The following POT1 variants were observed in gnomAD, a reference collection of about 807,000 sequenced individuals.
POT1 encodes protection of telomeres 1, also known as protection of telomeres protein 1.
A neutral mutation model predicts 78.5 loss-of-function variants in POT1; 47 were observed. That is an observed-to-expected ratio of 0.60 (90% CI 0.47 to 0.76). The LOEUF is 0.76. Among genes scored for constraint, POT1 ranks in the 30% least tolerant of loss-of-function variants. POT1 has a pLI of 0.00. For synonymous variants in POT1, 259 were observed against 260.7 expected, an observed-to-expected ratio of 0.99 and a Z score of 0.06; for missense variants, 646 against 749.9, an observed-to-expected ratio of 0.86 and a Z score of 1.62.
At chr7:124,857,029 A>G (rs1056799556) in intron 9 of POT1, among the ~76,000 whole-genome samples, 1 of 152,118 alleles carries the variant, frequency 6.6e-6, no homozygotes, top group African/African-American at 2.4e-5. Flanking sequence ...AGTTGAGTAA[A>G]CTTACTTGGT....
chr7:124,861,550 TG>T (rs35051283), intron 8 of POT1, among the ~76,000 whole-genome samples: 91,197 of 151,952 alleles, frequency 0.6, 27,495 homozygotes, highest in African/African-American at 0.64. Flanking sequence ...TTCTGTAGGT[TG>T]GCCTGTTCAC....
chr7:124,893,210 T>C (rs1485052108), intron 5 of POT1, among the ~76,000 whole-genome samples: 1 of 151,356 alleles, frequency 6.6e-6, no homozygotes, highest in South Asian at 2.1e-4. Context: ...AGATTTTGGT[T>C]CTATTTTTTA....
chr7:124,847,881 G>T (rs546838974), intron 11 of POT1, among the ~76,000 whole-genome samples: 2 of 152,144 alleles, frequency 1.3e-5, no homozygotes, highest in Non-Finnish European at 2.9e-5. Context: ...GCATTGAATG[G>T]GAAGCCTAGA....
intron 8 of POT1, among the ~76,000 whole-genome samples, chr7:124,859,853 TATA>T (rs936425485): frequency 4.7e-5 from 7 of 149,088 alleles, no homozygotes; most frequent in Admixed American, 4.7e-4. Context: ...AAAAAAAACA[TATA>T]ATATTAACAG....
chr7:124,882,066 C>T (rs868664183), intron 6 of POT1, among the ~76,000 whole-genome samples: 27 of 151,858 alleles, frequency 1.8e-4, no homozygotes, highest in Non-Finnish European at 3.5e-4. Context: ...AGCAATTCAA[C>T]GAATTGACTC....
chr7:124,827,196 AT>A lies in POT1; in HGVS notation c.1686+17del. 7.5e-7 allele frequency: 1 copy of A among 1,332,090 alleles called. No individual in the cohort carries two copies. Among genetic ancestry groups the A allele is most frequent in the Non-Finnish European group, 1.0e-6 (1 of 981,708 alleles). The allele number at this position is 1,332,090 out of a possible 1,614,324, so 82.5% of individuals were successfully genotyped here. A position where few individuals can be genotyped will look rare whatever the true frequency, so the allele number is the denominator to read the frequency against. ...TTATTTTTTAATTAAAAATATCTTT[AT>A]TACCTCTGATACTTACAGAATCCAT... On this transcript the variant is annotated intron_variant, in intron 17 of 18. Coordinates refer to ENST00000357628, the MANE Select transcript of POT1 (RefSeq NM_015450.3).
chr7:124,927,154 AT>A (rs910825766), intron 2 of POT1, among the ~76,000 whole-genome samples: 10 of 152,166 alleles, frequency 6.6e-5, no homozygotes, highest in Non-Finnish European at 8.8e-5. Flanking sequence ...TTCTGCTTTC[AT>A]TTTTTCACCT....
chr7:124,891,200 G>A (rs1796362942), intron 6 of POT1, among the ~76,000 whole-genome samples: 2 of 151,640 alleles, frequency 1.3e-5, no homozygotes, highest in Admixed American at 1.3e-4. Flanking sequence ...GCGCTCTGAT[G>A]TTAGCAGCAT....
chr7:124,893,942 C>T (rs1288673989), intron 5 of POT1, among the ~76,000 whole-genome samples: 3 of 151,332 alleles, frequency 2.0e-5, no homozygotes, highest in Non-Finnish European at 4.4e-5. Context: ...CATCAGGTAG[C>T]GAGCTCCTTT....
intron 14 of POT1, among the ~76,000 whole-genome samples, chr7:124,835,617 T>C (rs539971034): frequency 6.6e-6 from 1 of 152,286 alleles, no homozygotes; most frequent in East Asian, 1.9e-4. Flanking sequence ...TGCTGAGACT[T>C]TGGTAAAATA....
Position 124,888,366 on chromosome 7 carries a change from T to C in POT1, c.124+3900A>G, listed in dbSNP as rs191963047. Among the ~76,000 whole-genome samples, 112 of 152,250 alleles carry C rather than the reference T, an allele frequency of 7.4e-4. 1 individual carries two copies. In the Middle Eastern group the frequency reaches 0.01, roughly 14 times the overall value. On this transcript the variant is annotated intron_variant, in intron 6 of 18. Transcript: ENST00000357628. ...CAGTACCATACTGTCGCAATACTGTTACTTTTTAACGTATTTTGAAATTAG... is the reference window on the plus strand; with the variant it reads ...CAGTACCATACTGTCGCAATACTGTCACTTTTTAACGTATTTTGAAATTAG...
chr7:124,858,891 T>G (rs771712449), intron 9 of POT1, 66 bp downstream of exon 9: 1 of 1,272,508 alleles, frequency 7.9e-7, no homozygotes, highest in Non-Finnish European at 1.1e-6. Flanking sequence ...ATAAAAAATT[T>G]ACATGAGCAA....
intron 6 of POT1, among the ~76,000 whole-genome samples, chr7:124,874,927 G>C (rs1341791141): frequency 6.6e-6 from 1 of 151,270 alleles, no homozygotes; most frequent in African/African-American, 2.4e-5. Flanking sequence ...TTGTGAGAAG[G>C]GTGAAATAAC....
chr7:124,901,761 G>A (rs529775672), intron 3 of POT1, among the ~76,000 whole-genome samples: 15 of 152,090 alleles, frequency 9.9e-5, no homozygotes, highest in African/African-American at 2.4e-4. Context: ...TGAACCCATC[G>A]CACATAAGCT....
chr7:124,866,748 T>C (rs1795735241), intron 7 of POT1, among the ~76,000 whole-genome samples: 1 of 152,164 alleles, frequency 6.6e-6, no homozygotes, highest in African/African-American at 2.4e-5. Context: ...TTCTCTTCAC[T>C]CTCTGATCAT....
intron 6 of POT1, among the ~76,000 whole-genome samples, chr7:124,879,351 A>C (rs756556466): frequency 2.0e-5 from 3 of 152,140 alleles, no homozygotes; most frequent in Non-Finnish European, 2.9e-5. Flanking sequence ...GAAATCAGTG[A>C]CCTTAAAAAA....
chr7:124,837,604 G>C lies in POT1; in HGVS notation c.1370-2190C>G, dbSNP rs186544059. On this transcript the variant is annotated intron_variant, in intron 14 of 18. Coordinates refer to ENST00000357628, the MANE Select transcript of POT1 (RefSeq NM_015450.3). ...ATAATAATCTTGAAAAAAGTCACCAGGCTCAGATTGTTTCAATAGCTAAGT... is the reference window on the plus strand; with the variant it reads ...ATAATAATCTTGAAAAAAGTCACCACGCTCAGATTGTTTCAATAGCTAAGT... 3.9e-5 allele frequency among the ~76,000 whole-genome samples: 6 copies of C among 151,984 alleles called. No individual in the cohort carries two copies. In the East Asian group the frequency reaches 9.7e-4, roughly 25 times the overall value.
chr7:124,845,135 GATTT>G (rs1465277636), intron 12 of POT1, among the ~76,000 whole-genome samples: 3 of 152,182 alleles, frequency 2.0e-5, no homozygotes, highest in Non-Finnish European at 4.4e-5. Flanking sequence ...ACATTTAACT[GATTT>G]ATTACTATAA....
intron 3 of POT1, among the ~76,000 whole-genome samples, chr7:124,903,679 C>T (rs1205666743): frequency 3.3e-5 from 5 of 152,020 alleles, no homozygotes; most frequent in Non-Finnish European, 7.4e-5. Flanking sequence ...AAGATCAGAG[C>T]AGAACTGAAG....
Sources: allele counts gnomAD v4.1 joint callset (sites outside exome capture counted in the v4.1 genomes callset), GRCh38; gene constraint gnomAD v4.1.1; transcripts MANE v1.5; gene names NCBI Gene and HGNC (gene_info 2026-07-23, HGNC 2026-07-21).